The following OPCML variants were observed in gnomAD, a reference collection of about 807,000 sequenced individuals.
OPCML encodes the protein opioid-binding protein/cell adhesion molecule.
In OPCML, 13 loss-of-function variants were observed where a neutral mutation model predicts 37.8. That is an observed-to-expected ratio of 0.34 (90% CI 0.22 to 0.55). The LOEUF is 0.55. Among genes scored for constraint, OPCML ranks in the 20% least tolerant of loss-of-function variants. The probability of loss-of-function intolerance (pLI) is 0.91; values close to 1 mark genes in which losing one functional copy is unlikely to be tolerated. For synonymous variants in OPCML, 176 were observed against 168.8 expected (o/e 1.04, Z -0.33); for missense variants, 341 against 435.6 (o/e 0.78, Z 1.93).
chr11:133,482,860 G>A (rs772451721), intron 1 of OPCML, among the ~76,000 whole-genome samples: 2 of 152,046 alleles, frequency 1.3e-5, no homozygotes, highest in African/African-American at 4.8e-5. Flanking sequence ...ATGACCTGGG[G>A]TAGAGAATGT....
At chr11:132,705,103 T>G (rs1943977593) in intron 2 of OPCML, among the ~76,000 whole-genome samples, 1 of 152,178 alleles carries the variant, frequency 6.6e-6, no homozygotes, top group Non-Finnish European at 1.5e-5. Context: ...GTACTTTGAT[T>G]AAAAGGGGTG....
At chr11:133,073,445 T>C (rs1437731474) in intron 1 of OPCML, among the ~76,000 whole-genome samples, 1 of 152,202 alleles carries the variant, frequency 6.6e-6, no homozygotes, top group Non-Finnish European at 1.5e-5. Context: ...CTAGCAGGAC[T>C]CCAACCACGG....
intron 2 of OPCML, among the ~76,000 whole-genome samples, chr11:132,779,945 AT>A (rs936745865): frequency 6.6e-6 from 1 of 151,830 alleles, no homozygotes; most frequent in South Asian, 2.1e-4. Context: ...TTCTTTACTT[AT>A]TTTTTTGTTG....
intron 4 of OPCML, among the ~76,000 whole-genome samples, chr11:132,450,372 A>G (rs2096065469): frequency 6.6e-6 from 1 of 152,210 alleles, no homozygotes; most frequent in South Asian, 2.1e-4. Flanking sequence ...CCTGGACTGC[A>G]GGATCGTGGA....
intron 2 of OPCML, among the ~76,000 whole-genome samples, chr11:132,932,885 T>C (rs1379434583): frequency 6.6e-6 from 1 of 151,968 alleles, no homozygotes; most frequent in Non-Finnish European, 1.5e-5. Flanking sequence ...AATCAGGAAA[T>C]TGAGGCTTAG....
chr11:133,323,622 G>A (rs1943385134), intron 1 of OPCML, among the ~76,000 whole-genome samples: 1 of 152,184 alleles, frequency 6.6e-6, no homozygotes, highest in Non-Finnish European at 1.5e-5. Context: ...TGACAGAACT[G>A]ACCCATCTCC....
intron 1 of OPCML, among the ~76,000 whole-genome samples, chr11:133,159,133 G>A (rs1950107834): frequency 6.6e-6 from 1 of 152,220 alleles, no homozygotes; most frequent in Non-Finnish European, 1.5e-5. Flanking sequence ...CTGATCCTGA[G>A]TGAGACTGAT....
intron 1 of OPCML, among the ~76,000 whole-genome samples, chr11:133,489,854 T>TATATATATA (rs1565663452): frequency 3.7e-4 from 37 of 100,814 alleles, no homozygotes; most frequent in African/African-American, 1.3e-3. Flanking sequence ...ATATATATAT[T>TATATATATA]TTTTTATACA....
intron 1 of OPCML, among the ~76,000 whole-genome samples, chr11:133,062,693 C>A (rs1948370009): frequency 6.6e-6 from 1 of 152,224 alleles, no homozygotes; most frequent in South Asian, 2.1e-4. Flanking sequence ...TCCTTGGAGA[C>A]CCCACTGCCC....
chr11:132,671,232 AT>A (rs1942463914), intron 2 of OPCML, among the ~76,000 whole-genome samples: 1 of 152,184 alleles, frequency 6.6e-6, no homozygotes, highest in South Asian at 2.1e-4. Flanking sequence ...CTGTTTAAAA[AT>A]ATATGCTATA....
At chr11:133,040,650 C>T (rs1432717519) in intron 1 of OPCML, among the ~76,000 whole-genome samples, 1 of 152,130 alleles carries the variant, frequency 6.6e-6, no homozygotes, top group Admixed American at 6.5e-5. Context: ...ATCGTCCAGG[C>T]CTGTGCCCAT....
intron 4 of OPCML, among the ~76,000 whole-genome samples, chr11:132,489,980 G>T (rs1158417497): frequency 1.3e-5 from 2 of 152,028 alleles, no homozygotes; most frequent in Non-Finnish European, 2.9e-5. Context: ...TGAGAATGAT[G>T]GTTTCCAGCT....
intron 2 of OPCML, among the ~76,000 whole-genome samples, chr11:132,806,968 A>G (rs145604053): frequency 6.6e-6 from 1 of 152,194 alleles, no homozygotes; most frequent in Non-Finnish European, 1.5e-5. Context: ...AAAAATGCAA[A>G]TATTTAAAAT....
chr11:132,834,892 C>A (rs150041117), intron 2 of OPCML, among the ~76,000 whole-genome samples: 1 of 151,842 alleles, frequency 6.6e-6, no homozygotes, highest in East Asian at 1.9e-4. Context: ...TAAAAAGACA[C>A]ATTTGGGGTT....
intron 1 of OPCML, among the ~76,000 whole-genome samples, chr11:133,152,699 G>A (rs556761329): frequency 6.6e-6 from 1 of 152,024 alleles, no homozygotes; most frequent in Admixed American, 6.5e-5. Flanking sequence ...TAATTGATGC[G>A]TGGGACTACC....
At position 132,943,205 on chromosome 11, in the gene OPCML, G is replaced by C; in HGVS notation, c.62-195C>G. The C allele has an allele frequency of 6.6e-7, 1 of 1,508,474 alleles. No individual in the cohort carries two copies. Among genetic ancestry groups the C allele is most frequent in the Non-Finnish European group, 9.0e-7 (1 of 1,107,070 alleles). 93.4% of individuals were successfully genotyped at this position (1,508,474 alleles called of 1,614,324 possible). On this transcript the variant is annotated intron_variant, in intron 1 of 7. Transcript: ENST00000524381. This position sits in a 1 kb window ranked among gnomAD's most constrained non-coding sequence, Gnocchi z 4.3. ...GGGGAGGAGGGAAGGGGCAGAGTTC[G>C]CCAGGAGCAGGGGGAAGGAGAAGAG... is the stretch of plus-strand genomic sequence containing the variant.
chr11:133,102,699 G>A (rs2137074969), intron 1 of OPCML, among the ~76,000 whole-genome samples: 1 of 152,238 alleles, frequency 6.6e-6, no homozygotes, highest in South Asian at 2.1e-4. Flanking sequence ...GCAGTGAGCT[G>A]AGATCGCCCC....
At chr11:132,723,334 A>G (rs1467579370) in intron 2 of OPCML, among the ~76,000 whole-genome samples, 3 of 152,212 alleles carry the variant, frequency 2.0e-5, no homozygotes, top group Non-Finnish European at 4.4e-5. Flanking sequence ...GAAGCATTAC[A>G]GCAGAGTGGG....
chr11:132,801,969 C>T (rs988110361), intron 2 of OPCML, among the ~76,000 whole-genome samples: 3 of 152,112 alleles, frequency 2.0e-5, no homozygotes, highest in Non-Finnish European at 4.4e-5. Flanking sequence ...CTCTTGATTT[C>T]TCTCCCACCA....
Sources: gnomAD v4.1 joint callset for allele counts (sites outside exome capture counted in the v4.1 genomes callset) on GRCh38, gnomAD v4.1.1 for gene constraint, Gnocchi (gnomAD v3.1) non-coding constraint, MANE v1.5 for transcripts, NCBI Gene and HGNC (gene_info 2026-07-23, HGNC 2026-07-21) for gene names.